TAFA2: variants seen among roughly 807,000 people sequenced by gnomAD.
TAFA2 encodes the protein chemokine-like protein TAFA-2.
In TAFA2, 7 loss-of-function variants were observed where a neutral mutation model predicts 18.8. The observed-to-expected ratio is 0.37, with a 90% CI of 0.21 to 0.70. The LOEUF is 0.70. Among genes scored for constraint, TAFA2 ranks in the 30% least tolerant of loss-of-function variants. TAFA2 has a pLI of 0.53. For synonymous variants in TAFA2, 60 were observed against 54.2 expected (o/e 1.11, Z -0.47); for missense variants, 122 against 158.1 (o/e 0.77, Z 1.23).
chr12:62,165,900 G>GTCTCTCTCTCTCTCTCTTCC (rs2062435170), intron 1 of TAFA2, among the ~76,000 whole-genome samples: 2 of 141,194 alleles, frequency 1.4e-5, no homozygotes, highest in South Asian at 4.6e-4. Flanking sequence ...ACTTAATACA[G>GTCTCTCTCTCTCTCTCTTCC]TCTCTCTCTC....
intron 1 of TAFA2, among the ~76,000 whole-genome samples, chr12:62,091,316 T>G (rs909576104): frequency 2.6e-5 from 4 of 152,028 alleles, no homozygotes. Flanking sequence ...ATAACATCAT[T>G]GCAGAGCTTG....
At chr12:62,258,039 C>T (rs2062948845) in intron 1 of TAFA2, among the ~76,000 whole-genome samples, 1 of 152,180 alleles carries the variant, frequency 6.6e-6, no homozygotes, top group Non-Finnish European at 1.5e-5. Flanking sequence ...CCAGATTCTG[C>T]AGCCAGACTG....
intron 1 of TAFA2, among the ~76,000 whole-genome samples, chr12:61,944,234 T>G (rs2121430896): frequency 6.7e-6 from 1 of 149,880 alleles, no homozygotes; most frequent in South Asian, 2.1e-4. Context: ...AAGGCAGAAA[T>G]AAAGATGTTC....
chr12:62,043,950 G>T (rs183511154), intron 1 of TAFA2, among the ~76,000 whole-genome samples: 61 of 152,176 alleles, frequency 4.0e-4, no homozygotes, highest in Non-Finnish European at 7.6e-4. Flanking sequence ...AGTTACAAGT[G>T]GCACTTGTTC....
chr12:61,909,141 C>T (rs181193990), intron 1 of TAFA2, among the ~76,000 whole-genome samples: 171 of 152,296 alleles, frequency 1.1e-3, no homozygotes, highest in African/African-American at 3.9e-3. Context: ...GATGAGAAGT[C>T]AGCCACAAAT....
At chr12:61,895,197 T>C (rs1264923710) in intron 1 of TAFA2, among the ~76,000 whole-genome samples, 3 of 152,132 alleles carry the variant, frequency 2.0e-5, no homozygotes, top group East Asian at 1.9e-4. Context: ...GAGTAAGCTA[T>C]GAAATGTAGT....
At chr12:61,981,972 T>C (rs1879650820) in intron 1 of TAFA2, among the ~76,000 whole-genome samples, 1 of 152,130 alleles carries the variant, frequency 6.6e-6, no homozygotes, top group Admixed American at 6.5e-5. Flanking sequence ...ATCATGCTAG[T>C]ATAAAGACAC....
intron 1 of TAFA2, among the ~76,000 whole-genome samples, chr12:62,034,658 C>T (rs938961080): frequency 6.6e-6 from 1 of 152,092 alleles, no homozygotes; most frequent in African/African-American, 2.4e-5. Flanking sequence ...TTATTCTCAA[C>T]TCCAAATTAC....
intron 1 of TAFA2, among the ~76,000 whole-genome samples, chr12:62,094,197 T>C (rs986354891): frequency 2.6e-5 from 4 of 152,106 alleles, no homozygotes; most frequent in Non-Finnish European, 5.9e-5. Context: ...AGCTCTTAGC[T>C]TTTTATTAAG....
At chr12:62,045,051 T>C (rs545080009) in intron 1 of TAFA2, among the ~76,000 whole-genome samples, 2 of 152,266 alleles carry the variant, frequency 1.3e-5, no homozygotes, top group South Asian at 2.1e-4. Context: ...CCGTTAGATA[T>C]AGCAATAGCT....
At chr12:62,255,847 ACT>A (rs1383861700) in intron 1 of TAFA2, among the ~76,000 whole-genome samples, 1 of 151,744 alleles carries the variant, frequency 6.6e-6, no homozygotes, top group African/African-American at 2.4e-5. Flanking sequence ...GGAGAGTGAG[ACT>A]CTGTCTCAAA....
intron 2 of TAFA2, among the ~76,000 whole-genome samples, chr12:61,765,369 G>A (rs1202876330): frequency 6.6e-6 from 1 of 152,000 alleles, no homozygotes; most frequent in Non-Finnish European, 1.5e-5. Context: ...AATACATTTA[G>A]GCTATGTTAA....
chr12:61,757,616 T>C (rs1276310782), intron 2 of TAFA2, among the ~76,000 whole-genome samples: 4 of 150,982 alleles, frequency 2.6e-5, no homozygotes, highest in Non-Finnish European at 4.4e-5. Flanking sequence ...GTTTCACCAA[T>C]AGAAAAAGAA....
chr12:61,872,031 G>T (rs752736141), intron 1 of TAFA2, among the ~76,000 whole-genome samples: 21 of 152,008 alleles, frequency 1.4e-4, no homozygotes, highest in Non-Finnish European at 2.6e-4. Context: ...GGTAGAGCTT[G>T]CAGTGAGCTC....
chr12:61,885,860 A>G (rs1490749573), intron 1 of TAFA2, among the ~76,000 whole-genome samples: 1 of 152,142 alleles, frequency 6.6e-6, no homozygotes, highest in Non-Finnish European at 1.5e-5. Flanking sequence ...AGAGAATACT[A>G]TGACAGATCC....
chr12:62,190,801 T>G (rs1220359657), intron 1 of TAFA2, among the ~76,000 whole-genome samples: 2 of 151,988 alleles, frequency 1.3e-5, no homozygotes, highest in Non-Finnish European at 2.9e-5. Flanking sequence ...AAAGTAGGGA[T>G]TTCAGAAAGA....
chr12:62,132,851 G>A (rs1469656868), intron 1 of TAFA2, among the ~76,000 whole-genome samples: 1 of 151,822 alleles, frequency 6.6e-6, no homozygotes, highest in Admixed American at 6.6e-5. Context: ...TACATTTCTG[G>A]AAAATTCAGT....
chr12:62,155,362 G>A (rs909475606), intron 1 of TAFA2, among the ~76,000 whole-genome samples: 5 of 151,976 alleles, frequency 3.3e-5, no homozygotes, highest in Admixed American at 3.3e-4. Flanking sequence ...CTGTGAAAAT[G>A]GCCATACTAA....
At chr12:62,111,506 C>G (rs903688095) in intron 1 of TAFA2, among the ~76,000 whole-genome samples, 2 of 152,164 alleles carry the variant, frequency 1.3e-5, no homozygotes, top group African/African-American at 4.8e-5. Context: ...ATTAGGTCTG[C>G]TTTGTCCAGA....
Sources: gnomAD v4.1 joint callset for allele counts (sites outside exome capture counted in the v4.1 genomes callset) on GRCh38, gnomAD v4.1.1 for gene constraint, MANE v1.5 for transcripts, NCBI Gene and HGNC (gene_info 2026-07-23, HGNC 2026-07-21) for gene names.